The following ZFTRAF1 variants were observed in gnomAD, a reference collection of about 807,000 sequenced individuals.
ZFTRAF1 encodes the protein zinc finger TRAF-type-containing protein 1.
At chr8:144,450,970 C>G in the ZFTRAF1 span, 6 of 574,706 alleles carry the variant, frequency 1.0e-5, no homozygotes, top group African/African-American at 1.9e-5. Context: ...GGGGAACAAC[C>G]ACAAACAGAA....
the ZFTRAF1 span, chr8:144,462,236 G>A: frequency 8.2e-6 from 4 of 490,482 alleles, no homozygotes; most frequent in South Asian, 2.5e-5. Context: ...CGCGGCGGGG[G>A]CTGCAGCCCC....
the ZFTRAF1 span, among the ~76,000 whole-genome samples, chr8:144,462,006 G>T: frequency 2.6e-5 from 4 of 152,172 alleles, no homozygotes; most frequent in Admixed American, 6.5e-5. Flanking sequence ...GGAGAGGTAA[G>T]CGGAAGACAA....
At chr8:144,454,969 T>A in the ZFTRAF1 span, 1 of 152,274 alleles carries the variant, frequency 6.6e-6, no homozygotes, top group East Asian at 1.9e-4. Flanking sequence ...GGAATCCACA[T>A]CCACATGAAC....
At chr8:144,452,197 T>C in the ZFTRAF1 span, 2 of 824,902 alleles carry the variant, frequency 2.4e-6, no homozygotes, top group East Asian at 2.7e-5. Context: ...CCGGCCTGTC[T>C]TCTCGACCGA....
the ZFTRAF1 span, among the ~76,000 whole-genome samples, chr8:144,461,735 C>A: frequency 5.3e-5 from 8 of 152,140 alleles, no homozygotes; most frequent in Non-Finnish European, 1.2e-4. Context: ...TCAGGATGAA[C>A]TGGAAATGGA....
At chr8:144,452,535 G>C in the ZFTRAF1 span, 1 of 1,540,026 alleles carries the variant, frequency 6.5e-7, no homozygotes, top group Non-Finnish European at 8.7e-7. Flanking sequence ...GCCGTGCCAT[G>C]GGCAGCCGAT....
chr8:144,462,100 A>G, the ZFTRAF1 span, among the ~76,000 whole-genome samples: 1,794 of 152,258 alleles, frequency 0.012, 32 homozygotes, highest in African/African-American at 0.037. Flanking sequence ...GAGAAAGACA[A>G]CGAGGAGCTT....
At chr8:144,455,178 G>A in the ZFTRAF1 span, 7 of 152,212 alleles carry the variant, frequency 4.6e-5, no homozygotes, top group African/African-American at 1.7e-4. Context: ...AGCCATGCAT[G>A]GTGGCGAGCG....
the ZFTRAF1 span, chr8:144,450,841 T>G: frequency 1.6e-6 from 1 of 627,002 alleles, no homozygotes; most frequent in East Asian, 2.8e-5. Context: ...ACGCCTTCCC[T>G]GACCAGGCCG....
chr8:144,452,507 C>T, the ZFTRAF1 span: 50 of 1,544,044 alleles, frequency 3.2e-5, no homozygotes, highest in Admixed American at 5.7e-4. Flanking sequence ...CCTCGTGCAC[C>T]GTCAGCTCAT....
At chr8:144,457,798 G>C in the ZFTRAF1 span, 3 of 152,276 alleles carry the variant, frequency 2.0e-5, no homozygotes, top group East Asian at 3.8e-4. Flanking sequence ...TTCACACCTG[G>C]ACTGCATGGT....
the ZFTRAF1 span, among the ~76,000 whole-genome samples, chr8:144,461,857 G>A: frequency 2.6e-5 from 4 of 152,134 alleles, no homozygotes; most frequent in African/African-American, 9.7e-5. Context: ...TGGGGAAGGA[G>A]CTCTCGAGCA....
the ZFTRAF1 span, chr8:144,450,336 G>A: frequency 1.4e-6 from 1 of 697,464 alleles, no homozygotes; most frequent in Non-Finnish European, 2.7e-6. Flanking sequence ...CAGCGGTGCT[G>A]GGATGCCGCC....
chr8:144,458,908 C>T, the ZFTRAF1 span, among the ~76,000 whole-genome samples: 8 of 152,342 alleles, frequency 5.3e-5, no homozygotes, highest in East Asian at 1.5e-3. Context: ...GAGGCCCCTG[C>T]CCGGCACTTA....
chr8:144,462,123 T>C, the ZFTRAF1 span, among the ~76,000 whole-genome samples: 2 of 152,102 alleles, frequency 1.3e-5, no homozygotes, highest in Non-Finnish European at 2.9e-5. Context: ...GAGCAGCCGC[T>C]GGAGCCCCGC....
the ZFTRAF1 span, chr8:144,452,260 T>TCAGTGCC: frequency 7.5e-7 from 1 of 1,335,144 alleles, no homozygotes; most frequent in Non-Finnish European, 1.0e-6. Context: ...TCCGGCGCTG[T>TCAGTGCC]CAGTGCCCAG....
the ZFTRAF1 span, chr8:144,456,729 T>C: frequency 6.8e-6 from 1 of 146,706 alleles, no homozygotes; most frequent in African/African-American, 2.6e-5. Flanking sequence ...GGGGGAGACA[T>C]CACGGGAATG....
At chr8:144,458,292 A>G in the ZFTRAF1 span, among the ~76,000 whole-genome samples, 2 of 152,256 alleles carry the variant, frequency 1.3e-5, no homozygotes, top group African/African-American at 4.8e-5. Context: ...GGCTGCTTAG[A>G]TCTAAAAGTA....
At chr8:144,454,277 C>CA in the ZFTRAF1 span, 2 of 152,290 alleles carry the variant, frequency 1.3e-5, no homozygotes, top group Admixed American at 6.5e-5. Flanking sequence ...CACTGAGAGA[C>CA]ACATGGCAAG....
Sources: gnomAD v4.1 joint callset for allele counts (sites outside exome capture counted in the v4.1 genomes callset) on GRCh38, gnomAD v4.1.1 for gene constraint, MANE v1.5 for transcripts, NCBI Gene and HGNC (gene_info 2026-07-23, HGNC 2026-07-21) for gene names.